The following SCMH1 variants were observed in gnomAD, a reference collection of about 807,000 sequenced individuals.
SCMH1 encodes polycomb protein SCMH1.
Under a neutral mutation model 70.8 loss-of-function variants are expected in SCMH1, and 37 were observed. The observed-to-expected ratio is 0.52, with a 90% CI of 0.40 to 0.69. The LOEUF (loss-of-function observed/expected upper bound fraction) is 0.69. Among genes scored for constraint, SCMH1 ranks in the 30% least tolerant of loss-of-function variants. The probability of loss-of-function intolerance (pLI) is 0.00; values close to 1 mark genes in which losing one functional copy is unlikely to be tolerated. For synonymous variants in SCMH1, 292 were observed against 307.4 expected (o/e 0.95, Z 0.52); for missense variants, 607 against 827.3 (o/e 0.73, Z 3.27).
chr1:41,212,881 A>G (rs967560308), intron 1 of SCMH1, among the ~76,000 whole-genome samples: 16 of 151,384 alleles, frequency 1.1e-4, no homozygotes, highest in Non-Finnish European at 1.9e-4. Flanking sequence ...GTCTGGAGGG[A>G]AAAAAAAAGA....
chr1:41,064,596 A>G (rs1430625480), intron 10 of SCMH1, among the ~76,000 whole-genome samples: 2 of 152,232 alleles, frequency 1.3e-5, no homozygotes, highest in Admixed American at 6.5e-5. Flanking sequence ...TATAGCAGCA[A>G]TGAACAAGTG....
intron 8 of SCMH1, among the ~76,000 whole-genome samples, chr1:41,078,264 G>T (rs1422217876): frequency 1.3e-5 from 2 of 151,890 alleles, no homozygotes; most frequent in East Asian, 3.9e-4. Flanking sequence ...CAGTCAATAG[G>T]TCCAAAATAT....
At chr1:41,228,533 A>G (rs1660692735) in intron 1 of SCMH1, among the ~76,000 whole-genome samples, 1 of 152,144 alleles carries the variant, frequency 6.6e-6, no homozygotes. Flanking sequence ...CTGTAATCCC[A>G]GCAGTTTGGG....
In SCMH1 at chr1:41,131,498, G is replaced by T. The variant is rs1386286823; in HGVS notation, c.412+11380C>A. Among the ~76,000 whole-genome samples, 4 of 152,208 alleles carry T rather than the reference G, an allele frequency of 2.6e-5. No individual in the cohort carries two copies. In the East Asian group the frequency reaches 7.7e-4, roughly 29 times the overall value. ...AATATTACTGATAGTTAAGTGATTTGCAAACATTATCTCCTAGTCTGTGGC... is the reference window on the plus strand; with the variant it reads ...AATATTACTGATAGTTAAGTGATTTTCAAACATTATCTCCTAGTCTGTGGC... On this transcript the variant is annotated intron_variant, in intron 6 of 14. Coordinates refer to ENST00000337495, the Ensembl canonical transcript of SCMH1.
At chr1:41,163,730 T>C (rs1646226430) in intron 2 of SCMH1, among the ~76,000 whole-genome samples, 1 of 152,152 alleles carries the variant, frequency 6.6e-6, no homozygotes, top group Non-Finnish European at 1.5e-5. Context: ...GCCTTCAGAA[T>C]TGTGAGGAAA....
intron 9 of SCMH1, among the ~76,000 whole-genome samples, chr1:41,071,725 T>C (rs1214474576): frequency 6.6e-6 from 1 of 152,000 alleles, no homozygotes; most frequent in Non-Finnish European, 1.5e-5. Context: ...TGCAGTGGCA[T>C]GGTTCTGGTT....
chr1:41,144,502 C>A (rs533056933), intron 5 of SCMH1, among the ~76,000 whole-genome samples: 2 of 152,274 alleles, frequency 1.3e-5, no homozygotes, highest in South Asian at 4.1e-4. Flanking sequence ...ACTCATTCAT[C>A]AGCTGATGGA....
chr1:41,048,909 C>A lies in SCMH1; in HGVS notation c.1106-19G>T. On this transcript the variant is annotated intron_variant, in intron 10 of 14. Transcript: ENST00000337495. ...ATACAAACTATGGGAGACAAAGAAT[C>A]AAAGAAGCTTCAAGAGTCTCTGGGA... is the stretch of plus-strand genomic sequence containing the variant. The A allele has an allele frequency of 6.3e-7, 1 of 1,597,642 alleles. No homozygotes were observed. The highest frequency in any genetic ancestry group is 1.1e-5 in the South Asian group (1 of 89,108).
intron 8 of SCMH1, among the ~76,000 whole-genome samples, chr1:41,080,180 G>C (rs538509296): frequency 1.3e-4 from 19 of 151,554 alleles, no homozygotes; most frequent in Admixed American, 1.1e-3. Context: ...ACTGACACAA[G>C]AAAAAAACAG....
chr1:41,099,418 G>A (rs1329960179), intron 8 of SCMH1, among the ~76,000 whole-genome samples: 3 of 152,160 alleles, frequency 2.0e-5, no homozygotes, highest in Non-Finnish European at 4.4e-5. Flanking sequence ...CCTATCATAT[G>A]AGACTTACAC....
chr1:41,048,478 C>G (rs2064740), intron 11 of SCMH1, among the ~76,000 whole-genome samples: 129,359 of 152,122 alleles, frequency 0.85, 55,501 homozygotes, highest in East Asian at 0.97. Context: ...TAGAGGCTCA[C>G]TGAAGCAGAA....
chr1:41,171,794 T>A (rs894491887), intron 2 of SCMH1, among the ~76,000 whole-genome samples: 1 of 152,122 alleles, frequency 6.6e-6, no homozygotes, highest in Non-Finnish European at 1.5e-5. Flanking sequence ...GAATAACCAA[T>A]GGGTCAATGA....
At chr1:41,172,761 T>C (rs537043324) in intron 2 of SCMH1, among the ~76,000 whole-genome samples, 152 of 152,232 alleles carry the variant, frequency 1.0e-3, no homozygotes, top group African/African-American at 3.6e-3. Context: ...GAACCCAGAA[T>C]AGAGAACCCA....
At chr1:41,153,826 AATGCCCATG>A (rs1264298972) in intron 4 of SCMH1, among the ~76,000 whole-genome samples, 1 of 152,224 alleles carries the variant, frequency 6.6e-6, no homozygotes, top group African/African-American at 2.4e-5. Context: ...CACCTATTGT[AATGCCCATG>A]ATGAAGCCAG....
chr1:41,185,891 T>C (rs1304118153), intron 2 of SCMH1: 6 of 316,838 alleles, frequency 1.9e-5, no homozygotes, highest in African/African-American at 1.1e-4. Context: ...TCCCAGAGTG[T>C]TGGAATTACA....
intron 9 of SCMH1, among the ~76,000 whole-genome samples, chr1:41,072,200 C>A (rs1173973629): frequency 6.6e-6 from 1 of 152,170 alleles, no homozygotes. Context: ...TGAAAGTGAA[C>A]ATCTGCTCAT....
chr1:41,041,989 G>A (rs1206261732), intron 12 of SCMH1, among the ~76,000 whole-genome samples: 1 of 152,062 alleles, frequency 6.6e-6, no homozygotes, highest in Non-Finnish European at 1.5e-5. Context: ...CTGAGCCACT[G>A]CACCCGGCCG....
At chr1:41,059,107 A>G (rs1651664207) in intron 10 of SCMH1, among the ~76,000 whole-genome samples, 1 of 152,104 alleles carries the variant, frequency 6.6e-6, no homozygotes, top group Non-Finnish European at 1.5e-5. Context: ...ACAGCTATTC[A>G]CCTGGAAGAT....
At chr1:41,108,160 T>C (rs964938278) in intron 8 of SCMH1, among the ~76,000 whole-genome samples, 2 of 152,210 alleles carry the variant, frequency 1.3e-5, no homozygotes, top group African/African-American at 4.8e-5. Context: ...GTGCAGCACC[T>C]CTACTAGATT....
Sources: gnomAD v4.1 joint callset for allele counts (sites outside exome capture counted in the v4.1 genomes callset) on GRCh38, gnomAD v4.1.1 for gene constraint, MANE v1.5 for transcripts, NCBI Gene and HGNC (gene_info 2026-07-23, HGNC 2026-07-21) for gene names.